ABCG2: variants seen among roughly 807,000 people sequenced by gnomAD.
ABCG2 encodes broad substrate specificity ATP-binding cassette transporter ABCG2.
A neutral mutation model predicts 73.5 loss-of-function variants in ABCG2; 80 were observed. That is an observed-to-expected ratio of 1.09 (90% confidence interval 0.91 to 1.31). ABCG2 has a LOEUF of 1.31. Ranked by LOEUF, ABCG2 falls within the 50% of genes most tolerant of loss-of-function variation. The pLI is 0.00. For synonymous variants in ABCG2, 269 were observed against 282.4 expected, an observed-to-expected ratio of 0.95 and a Z score of 0.48; for missense variants, 796 against 786.2, an observed-to-expected ratio of 1.01 and a Z score of -0.15.
intron 1 of ABCG2, among the ~76,000 whole-genome samples, chr4:88,172,163 C>CA (rs944538829): frequency 6.6e-6 from 1 of 151,766 alleles, no homozygotes; most frequent in African/African-American, 2.4e-5. Context: ...GGCATGGTGG[C>CA]AGGTGCCTGT....
At chr4:88,181,650 C>T (rs1728258741) in intron 1 of ABCG2, among the ~76,000 whole-genome samples, 1 of 152,050 alleles carries the variant, frequency 6.6e-6, no homozygotes, top group South Asian at 2.1e-4. Context: ...AAGGTCACTT[C>T]AGCCCAGGAG....
intron 1 of ABCG2, among the ~76,000 whole-genome samples, chr4:88,195,515 G>A (rs1728908123): frequency 6.6e-6 from 1 of 152,156 alleles, no homozygotes; most frequent in Non-Finnish European, 1.5e-5. Context: ...AGCAACCTCA[G>A]TTCTTGCCTT....
intron 5 of ABCG2, among the ~76,000 whole-genome samples, chr4:88,125,477 G>A (rs545050501): frequency 4.5e-4 from 68 of 151,434 alleles, no homozygotes; most frequent in African/African-American, 1.5e-3. Flanking sequence ...GCTAAGTGGT[G>A]GAAGCCTGTA....
chr4:88,139,673 A>G, intron 2 of ABCG2, 120 bp downstream of exon 2: 1 of 768,970 alleles, frequency 1.3e-6, no homozygotes, highest in East Asian at 2.7e-5. Flanking sequence ...ATGTGTCTGT[A>G]TATCTGTGCA....
chr4:88,097,454 A>G lies in ABCG2; in HGVS notation c.1646T>C (p.Met549Thr), dbSNP rs1383325080. ...LLMTICFVFM[M>T]IFSGLLVNLT... ...AGAGCAAACACAGTTCAGACTCACC[A>G]TCATAAACACAAAACAGATGGTCAT... The change falls in exon 13 of 16, where the codon ATG (methionine) becomes ACG (threonine). Residue 549 changes from methionine to threonine, a missense_variant and splice_region_variant. Physicochemically the swap from Met to Thr is moderately conservative, Grantham distance 81. Coordinates refer to ENST00000237612, the MANE Select transcript of ABCG2 (RefSeq NM_004827.3). 6.2e-7 allele frequency: 1 copy of G among 1,614,056 alleles called. No individual in the cohort carries two copies. The highest frequency in any genetic ancestry group is 1.3e-5 in the African/African-American group (1 of 75,064).
At chr4:88,134,709 G>A (rs1475240933) in intron 2 of ABCG2, among the ~76,000 whole-genome samples, 1 of 152,116 alleles carries the variant, frequency 6.6e-6, no homozygotes, top group Non-Finnish European at 1.5e-5. Context: ...AATGTTCTAA[G>A]ACAAAGAGCT....
rs1725558894 is a variant in ABCG2 at position 88,140,518 on chromosome 4, A to G, written c.-19-504T>C. 2.6e-5 allele frequency among the ~76,000 whole-genome samples: 4 copies of G among 152,100 alleles called. No individual in the cohort carries two copies. The South Asian group carries it at 8.3e-4, about 32-fold the overall frequency. ...GTGCCTGTAATCCCAGCTACTTGGG[A>G]GGCTGAGGCAGGAGAATGGCTTGAA... is the stretch of plus-strand genomic sequence containing the variant. On this transcript the variant is annotated intron_variant, in intron 1 of 15. Coordinates refer to ENST00000237612, the MANE Select transcript of ABCG2 (RefSeq NM_004827.3).
rs372008615 is a variant in ABCG2 at position 88,092,294 on chromosome 4, C to T, written c.1908G>A (p.Met636Ile). 7.4e-6 allele frequency: 12 copies of T among 1,613,062 alleles called. No individual in the cohort carries two copies. Among genetic ancestry groups the T allele is most frequent in the African/African-American group, 1.3e-5 (1 of 74,898 alleles). Residue 636 changes from methionine (M) to isoleucine (I), a missense_variant, in exon 16 of 16, where the codon ATG becomes ATA. Transcript: ENST00000237612. The stretch of plus-strand genomic sequence containing the variant: ...AGGCAATTGTGAGGAAAATAACAAT[C>T]ATACAAGCCAAGGCCACGTGATTCT... ...LWKNHVALAC[M>I]IVIFLTIAYL...
chr4:88,158,885 G>A (rs1727147295), upstream of ABCG2: 2 of 338,106 alleles, frequency 5.9e-6, no homozygotes, highest in South Asian at 4.3e-5. Context: ...CGCGCTTCGG[G>A]CTGTGGACCG....
chr4:88,123,900 G>C (rs1163777322), intron 5 of ABCG2, among the ~76,000 whole-genome samples: 1 of 152,118 alleles, frequency 6.6e-6, no homozygotes, highest in Non-Finnish European at 1.5e-5. Flanking sequence ...AAAATGTTAA[G>C]GGCAGCCAGA....
upstream of ABCG2, among the ~76,000 whole-genome samples, chr4:88,159,803 A>G (rs1727202291): frequency 6.6e-6 from 1 of 152,196 alleles, no homozygotes; most frequent in Non-Finnish European, 1.5e-5. Flanking sequence ...AATATACCAT[A>G]CCGCATGCTT....
chr4:88,159,294 C>G (rs142365584), upstream of ABCG2: 4 of 446,874 alleles, frequency 9.0e-6, no homozygotes, highest in Admixed American at 7.2e-5. Flanking sequence ...CAGTCACAAG[C>G]GCTGCTCGCA....
intron 1 of ABCG2, among the ~76,000 whole-genome samples, chr4:88,148,317 A>AG (rs1355754417): frequency 5.3e-5 from 8 of 152,190 alleles, no homozygotes; most frequent in African/African-American, 1.9e-4. Flanking sequence ...AAAGGAGAAG[A>AG]GAAAAAGCTG....
intron 1 of ABCG2, among the ~76,000 whole-genome samples, chr4:88,147,039 AAG>A (rs921085820): frequency 6.6e-6 from 1 of 151,614 alleles, no homozygotes; most frequent in Admixed American, 6.6e-5. Flanking sequence ...GAAAGAAAGA[AAG>A]AAAGAAAAGA....
intron 1 of ABCG2, among the ~76,000 whole-genome samples, chr4:88,199,757 T>C (rs1163357576): frequency 6.6e-6 from 1 of 152,188 alleles, no homozygotes; most frequent in Non-Finnish European, 1.5e-5. Flanking sequence ...CCCAGCACTT[T>C]GGGAGGCTGA....
intron 1 of ABCG2, among the ~76,000 whole-genome samples, chr4:88,230,580 C>T (rs1054208131): frequency 3.3e-5 from 5 of 151,954 alleles, no homozygotes; most frequent in African/African-American, 4.8e-5. Flanking sequence ...ATCTGCTTAA[C>T]AGAAACCCCA....
At chr4:88,231,439 G>C (rs940694896), upstream of ABCG2, 2 of 151,624 alleles carry the variant, frequency 1.3e-5, no homozygotes, top group African/African-American at 2.4e-5. Context: ...CAAGGGGCTA[G>C]AAGAAGGGGG....
In ABCG2 at chr4:88,095,624, T is replaced by C. The variant is rs1721932874; in HGVS notation, c.1648-15A>G. On this transcript the variant is annotated splice_polypyrimidine_tract_variant and intron_variant, in intron 13 of 15. Transcript: ENST00000237612. ...CCTGAAAAAATCTACAAAAAGCAAA[T>C]ACTAAAAGTCAGGCCTGCTTGAGTA... is the stretch of plus-strand genomic sequence containing the variant. 1 of 1,607,240 alleles carries C rather than the reference T, an allele frequency of 6.2e-7. No homozygotes were observed. Among genetic ancestry groups the C allele is most frequent in the Non-Finnish European group, 8.5e-7 (1 of 1,173,984 alleles).
intron 1 of ABCG2, among the ~76,000 whole-genome samples, chr4:88,230,245 G>A (rs11736552): frequency 0.74 from 102,473 of 138,676 alleles, 38,769 homozygotes; most frequent in East Asian, 0.97. Flanking sequence ...CACTTGCCTC[G>A]GTCTCCCAAA....
Sources: allele counts gnomAD v4.1 joint callset (sites outside exome capture counted in the v4.1 genomes callset), GRCh38; gene constraint gnomAD v4.1.1; transcripts MANE v1.5; gene names NCBI Gene and HGNC (gene_info 2026-07-23, HGNC 2026-07-21).